The following FAM186A variants were observed in gnomAD, a reference collection of about 807,000 sequenced individuals.
The protein encoded by FAM186A is protein FAM186A.
A neutral mutation model predicts 216.8 loss-of-function variants in FAM186A; 163 were observed. The observed-to-expected ratio is 0.75, with a 90% CI of 0.66 to 0.86. FAM186A has a LOEUF of 0.86. Among genes scored for constraint, FAM186A ranks in the 40% least tolerant of loss-of-function variants. The probability of loss-of-function intolerance (pLI) is 0.00; values close to 1 mark genes in which losing one functional copy is unlikely to be tolerated. For synonymous variants in FAM186A, 805 were observed against 1,025.3 expected (o/e 0.79, Z 4.10); for missense variants, 2,184 against 2,746.2 (o/e 0.80, Z 4.58).
intron 1 of FAM186A, among the ~76,000 whole-genome samples, chr12:50,377,693 C>T (rs929892031): frequency 5.3e-5 from 8 of 151,278 alleles, no homozygotes; most frequent in African/African-American, 1.7e-4. Context: ...ATTAGCCGGG[C>T]GTGGTGGCTG....
chr12:50,394,754 T>TTTTTTTTTTTTTTTTTTTTTC (rs1943397185), intron 1 of FAM186A, among the ~76,000 whole-genome samples: 1 of 138,164 alleles, frequency 7.2e-6, no homozygotes, highest in African/African-American at 2.8e-5. Context: ...TTTTTTTTTT[T>TTTTTTTTTTTTTTTTTTTTTC]TTTTTTAGAG....
At chr12:50,367,007 C>T (rs1362650092) in intron 1 of FAM186A, among the ~76,000 whole-genome samples, 4 of 151,718 alleles carry the variant, frequency 2.6e-5, no homozygotes, top group East Asian at 1.9e-4. Flanking sequence ...GAGTGAGCCC[C>T]GGTCTTAACA....
chr12:50,362,723 A>G (rs11169395), intron 2 of FAM186A, among the ~76,000 whole-genome samples: 91,342 of 142,646 alleles, frequency 0.64, 29,865 homozygotes, highest in East Asian at 0.75. Context: ...CAGTCTGGGT[A>G]ACACAGTGAG....
intron 4 of FAM186A, among the ~76,000 whole-genome samples, chr12:50,347,636 G>A (rs1942832802): frequency 1.3e-5 from 2 of 149,870 alleles, no homozygotes; most frequent in Admixed American, 6.7e-5. Context: ...GAGGGCAGGA[G>A]AATCGCTTGA....
intron 1 of FAM186A, among the ~76,000 whole-genome samples, chr12:50,393,058 G>C (rs903614499): frequency 4.7e-5 from 7 of 150,516 alleles, no homozygotes; most frequent in East Asian, 4.0e-4. Context: ...TCCCGAGTGG[G>C]TGGGACTACA....
Position 50,355,410 on chromosome 12 carries a change from T to C in FAM186A, c.1422A>G (p.Pro474=). The change falls in exon 4 of 8, where the codon CCA becomes CCG. Residue 474 remains proline, a synonymous_variant. Transcript: ENST00000327337. The part of the protein sequence containing the change: ...KATYVYETSG[P]NLSDNKSGQK... ...GTCCACTTTTATTATCACTCAGATT[T>C]GGTCCAGAGGTCTCATATACATATG... is the stretch of plus-strand genomic sequence containing the variant. 1 of 1,551,440 alleles carries C rather than the reference T, an allele frequency of 6.4e-7. No homozygotes were observed. Among genetic ancestry groups the C allele is most frequent in the African/African-American group, 1.4e-5 (1 of 73,186 alleles).
rs1942949222 is a variant in FAM186A, at chr12:50,354,391, T to A, written c.2441A>T (p.Asp814Val). 6.4e-7 allele frequency: 1 copy of A among 1,551,604 alleles called. No homozygotes were observed. Among genetic ancestry groups the A allele is most frequent in the African/African-American group, 1.4e-5 (1 of 73,176 alleles). The change falls in exon 4 of 8, where the codon GAC (aspartate) becomes GTC (valine). Residue 814 changes from aspartate (D) to valine (V), a missense_variant. Asp to Val is a radical substitution (Grantham distance 152). This residue lies in a region of FAM186A where 1,132 missense variants were observed against 1,263.4 expected (regional missense o/e 0.90). Transcript: ENST00000327337. Reference sequence around the variant, plus strand: ...CCTTTGTTTTTCCTTCTCCTTGTGGTCTTTCTGTACTGTTGAGACTGTTGG... The same window carrying A: ...CCTTTGTTTTTCCTTCTCCTTGTGGACTTTCTGTACTGTTGAGACTGTTGG... Reference protein sequence around the residue: ...DIPTVSTVQKDHKEKEKQRQE... With the variant: ...DIPTVSTVQKVHKEKEKQRQE...
intron 4 of FAM186A, among the ~76,000 whole-genome samples, chr12:50,349,707 A>G (rs992723294): frequency 1.3e-5 from 2 of 152,074 alleles, no homozygotes. Context: ...GCTGGAGTGT[A>G]GTGGCATGAT....
Position 50,330,580 on chromosome 12 carries a change from G to C in FAM186A, c.7027C>G (p.Gln2343Glu), listed in dbSNP as rs1274360866. 2 of 1,550,584 alleles carry C rather than the reference G, an allele frequency of 1.3e-6. No individual in the cohort carries two copies. Among genetic ancestry groups the C allele is most frequent in the African/African-American group, 1.4e-5 (1 of 73,086 alleles). The stretch of plus-strand genomic sequence containing the variant: ...TTCCAGTCCATAACTTACCGTGATT[G>C]GAGGGATGCAAGAGATTTTCGGAAG... The part of the protein sequence containing the change: ...STFRKSLASL[Q>E]SRVKKIPK Residue 2343 changes from glutamine (Q) to glutamate (E), a missense_variant, in exon 7 of 8, where the codon CAA becomes GAA. Gln to Glu is a conservative substitution (Grantham distance 29, BLOSUM62 2). Transcript: ENST00000327337.
At position 50,355,812 on chromosome 12, in the gene FAM186A, T is replaced by C. The variant is rs1470474039; in HGVS notation, c.1020A>G (p.Leu340=). Residue 340 remains leucine, a synonymous_variant, in exon 4 of 8, where the codon CTA becomes CTG. Transcript: ENST00000327337. ...LIRSKIVIEQ[L]YAKLSTSSTL... ...TTGATGATGTGGACAATTTTGCATATAGTTGTTCTATAACAATTTTGGATC... is the reference window on the plus strand; with the variant it reads ...TTGATGATGTGGACAATTTTGCATACAGTTGTTCTATAACAATTTTGGATC... The C allele has an allele frequency of 6.4e-7, 1 of 1,551,524 alleles. No individual in the cohort carries two copies. Among genetic ancestry groups the C allele is most frequent in the African/African-American group, 1.4e-5 (1 of 73,060 alleles).
At chr12:50,331,930 G>T in intron 5 of FAM186A, 109 bp from the exon 6 acceptor site, 1 of 952,722 alleles carries the variant, frequency 1.0e-6, no homozygotes, top group Non-Finnish European at 1.5e-6. Context: ...CTTTTCCATG[G>T]ATTTGCAAAT....
intron 1 of FAM186A, among the ~76,000 whole-genome samples, chr12:50,367,030 A>G (rs1943096110): frequency 6.6e-6 from 1 of 152,074 alleles, no homozygotes; most frequent in South Asian, 2.1e-4. Context: ...AACAAAAAAC[A>G]TATACAAAAG....
chr12:50,363,016 C>T (rs764446320), intron 2 of FAM186A, 129 bp downstream of exon 2: 8 of 764,092 alleles, frequency 1.0e-5, no homozygotes, highest in Admixed American at 3.0e-5. Flanking sequence ...TAGAGGATAA[C>T]CATTCTCTGA....
In FAM186A at chr12:50,351,313, G is replaced by C; in HGVS notation, c.5519C>G (p.Ala1840Gly). ...APPTPGQPFI[A>G]GVPPTSGQIP... is the part of the protein sequence containing the mutation. ...CTGTCCAGAAGTGGGTGGAACTCCA[G>C]CTATAAAGGGCTGCCCTGGAGTGGG... is the stretch of plus-strand genomic sequence containing the variant. The change falls in exon 4 of 8, where the codon GCT becomes GGT. Residue 1840 changes from alanine (A) to glycine (G), a missense_variant. Physicochemically the swap from Ala to Gly is moderately conservative, Grantham distance 60 (BLOSUM62 0). Transcript: ENST00000327337. The C allele has an allele frequency of 3.9e-6, 6 of 1,522,886 alleles. No homozygotes were observed. The highest frequency in any genetic ancestry group is 5.3e-6 in the Non-Finnish European group (6 of 1,135,198). 94.3% of individuals were successfully genotyped at this position (1,522,886 alleles called of 1,614,324 possible).
intron 2 of FAM186A, among the ~76,000 whole-genome samples, chr12:50,361,195 G>A (rs1441839049): frequency 6.6e-6 from 1 of 151,970 alleles, no homozygotes; most frequent in African/African-American, 2.4e-5. Context: ...GTGTGTGTGT[G>A]TGTTTTGTTT....
In FAM186A at chr12:50,354,314, T is replaced by G. The variant is rs1425279555; in HGVS notation, c.2518A>C (p.Lys840Gln). 6.4e-7 allele frequency: 1 copy of G among 1,551,734 alleles called. No homozygotes were observed. The highest frequency in any genetic ancestry group is 1.2e-5 in the South Asian group (1 of 84,054). Residue 840 changes from lysine to glutamine, a missense_variant, in exon 4 of 8, where the codon AAA (lysine) becomes CAA (glutamine). By Grantham distance (53) the Lys-to-Gln change is moderately conservative. Around this residue, in one of 7 missense-constraint regions of FAM186A, gnomAD observed 1,132 missense variants for 1,263.4 expected, o/e 0.90. Transcript: ENST00000327337. Reference sequence around the variant, plus strand: ...TTTCTTTCTCCCAGCAACTGCTGTTTGAGACTCATGCCAGACATTTGTTCT... The same window carrying G: ...TTTCTTTCTCCCAGCAACTGCTGTTGGAGACTCATGCCAGACATTTGTTCT... ...GQEQMSGMSL[K>Q]QQLLGERNLL...
chr12:50,350,571 T>C lies in FAM186A; in HGVS notation c.6261A>G (p.Lys2087=), dbSNP rs1310023934. The C allele has an allele frequency of 8.4e-6, 13 of 1,551,582 alleles. No individual in the cohort carries two copies. The highest frequency in any genetic ancestry group is 1.7e-4 in the Middle Eastern group (1 of 5,992). Reference sequence around the variant, plus strand: ...AGGAAGGGGGCACCATTACTTTGGGTTTCTTGGTATCTGAAACTGAACTCA... The same window carrying C: ...AGGAAGGGGGCACCATTACTTTGGGCTTCTTGGTATCTGAAACTGAACTCA... The part of the protein sequence containing the change: ...WILSSVSDTK[K]PKVMVPPSSP... Residue 2087 remains lysine, a synonymous_variant, in exon 4 of 8, where the codon AAA becomes AAG. Transcript: ENST00000327337.
intron 4 of FAM186A, among the ~76,000 whole-genome samples, chr12:50,336,734 A>C (rs1942711954): frequency 6.6e-6 from 1 of 152,124 alleles, no homozygotes; most frequent in African/African-American, 2.4e-5. Flanking sequence ...GATATGTGAA[A>C]GGATATAGTG....
intron 1 of FAM186A, among the ~76,000 whole-genome samples, chr12:50,363,794 A>G (rs1943060223): frequency 1.3e-5 from 2 of 152,006 alleles, no homozygotes; most frequent in Non-Finnish European, 2.9e-5. Flanking sequence ...AGAAAAAGAA[A>G]ACAGAAAAAA....
Sources: gnomAD v4.1 joint callset for allele counts (sites outside exome capture counted in the v4.1 genomes callset) on GRCh38, gnomAD v4.1.1 for gene constraint, gnomAD v4.1.1 regional missense constraint, MANE v1.5 for transcripts, NCBI Gene and HGNC (gene_info 2026-07-23, HGNC 2026-07-21) for gene names.